Variants in HYDIN observed in about 807,000 individuals in gnomAD.
HYDIN encodes axonemal central pair apparatus protein HYDIN.
Under a neutral mutation model 403.9 loss-of-function variants are expected in HYDIN, and 132 were observed. The ratio of observed to expected loss-of-function variants is 0.33; its 90% CI spans 0.28 to 0.38. The LOEUF (loss-of-function observed/expected upper bound fraction) is 0.38, where lower values mean the gene tolerates loss of function less well. Among genes scored for constraint, HYDIN ranks in the 10% least tolerant of loss-of-function variants. The probability of loss-of-function intolerance (pLI) is 1.00; values close to 1 mark genes in which losing one functional copy is unlikely to be tolerated. For synonymous variants in HYDIN, 1,202 were observed against 1,891.7 expected, an observed-to-expected ratio of 0.64 and a Z score of 9.46; for missense variants, 2,827 against 5,009.5, an observed-to-expected ratio of 0.56 and a Z score of 13.15.
At position 70,859,458 on chromosome 16, in the gene HYDIN, T is replaced by C. The variant is rs1455007949; in HGVS notation, c.12129+610A>G. On this transcript the variant is annotated intron_variant, in intron 71 of 85. Transcript: ENST00000393567. ...CCTGTATTACCCACAAATGTCTCCT[T>C]GGCCCACTCTATTCACTTGTGTGAC... Among the ~76,000 whole-genome samples the C allele has an allele frequency of 1.4e-4, 21 of 152,210 alleles. No homozygotes were observed. The East Asian group carries it at 4.0e-3, about 29-fold the overall frequency.
chr16:71,201,557 C>A (rs987223904), intron 1 of HYDIN, among the ~76,000 whole-genome samples: 3 of 152,126 alleles, frequency 2.0e-5, no homozygotes, highest in African/African-American at 7.2e-5. Flanking sequence ...AAGCCAAGCC[C>A]ACCAAAGCCA....
At chr16:71,197,043 C>G (rs7342812) in intron 1 of HYDIN, among the ~76,000 whole-genome samples, 6,019 of 152,148 alleles carry the variant, frequency 0.04, 437 homozygotes, top group African/African-American at 0.14. Flanking sequence ...TGGACTTGAC[C>G]TGAATTCTTT....
At chr16:71,188,549 C>T (rs372361043) in intron 1 of HYDIN, among the ~76,000 whole-genome samples, 24 of 152,184 alleles carry the variant, frequency 1.6e-4, no homozygotes, top group African/African-American at 5.5e-4. Context: ...GTGTGAAACA[C>T]CATAATTCAA....
At chr16:70,999,150 C>G (rs2079622637) in intron 23 of HYDIN, among the ~76,000 whole-genome samples, 1 of 151,976 alleles carries the variant, frequency 6.6e-6, no homozygotes, top group Admixed American at 6.6e-5. Context: ...ATTGGAGCCT[C>G]TAGAACAGTG....
At chr16:70,962,932 G>C (rs939848514) in intron 37 of HYDIN, among the ~76,000 whole-genome samples, 1 of 150,576 alleles carries the variant, frequency 6.6e-6, no homozygotes, top group Admixed American at 6.6e-5. Flanking sequence ...TGAGAAGCAG[G>C]GCGTGTGCCT....
intron 10 of HYDIN, among the ~76,000 whole-genome samples, chr16:71,106,193 C>A (rs1287226477): frequency 6.6e-6 from 1 of 151,288 alleles, no homozygotes; most frequent in Non-Finnish European, 1.5e-5. Flanking sequence ...CTCTCTCAAT[C>A]TCCATAGCAG....
intron 1 of HYDIN, among the ~76,000 whole-genome samples, chr16:71,214,763 G>A (rs1334012462): frequency 6.6e-6 from 1 of 152,174 alleles, no homozygotes; most frequent in Admixed American, 6.5e-5. Flanking sequence ...GGGTCCCAGT[G>A]GGACAAAACC....
Position 70,860,892 on chromosome 16 carries a change from G to A in HYDIN, c.11787C>T (p.Asn3929=), listed in dbSNP as rs1405923557. ...CCGGACCTTGCTCTCCAGGTGGCAG[G>A]TTGGGAATCCTGAGAGGATAAGGTT... ...FESNLFCQIP[N]LPPGEQGPVL... Residue 3929 remains asparagine, a synonymous_variant, in exon 70 of 86, where the codon AAC becomes AAT. Coordinates refer to ENST00000393567, the MANE Select transcript of HYDIN (RefSeq NM_001270974.2). 1 of 619,980 alleles carries A rather than the reference G, an allele frequency of 1.6e-6. No homozygotes were observed. The highest frequency in any genetic ancestry group is 1.9e-5 in the African/African-American group (1 of 51,428). 38.4% of individuals were successfully genotyped at this position (619,980 alleles called of 1,614,324 possible). A position where few individuals can be genotyped will look rare whatever the true frequency, so the allele number is the denominator to read the frequency against.
At chr16:71,060,276 T>A (rs2082036704) in intron 18 of HYDIN, among the ~76,000 whole-genome samples, 1 of 152,200 alleles carries the variant, frequency 6.6e-6, no homozygotes, top group African/African-American at 2.4e-5. Context: ...ATAATAGACA[T>A]CCCTTGAGCT....
At chr16:71,187,869 A>G (rs1035813829) in intron 1 of HYDIN, among the ~76,000 whole-genome samples, 4 of 152,192 alleles carry the variant, frequency 2.6e-5, no homozygotes, top group South Asian at 2.1e-4. Context: ...ATGGCAATCA[A>G]TGAAACAGAA....
rs1303324262 is a variant in HYDIN, at chr16:71,069,307, T to A, written c.1934A>T (p.Asp645Val). The A allele has an allele frequency of 2.0e-5, 32 of 1,613,568 alleles. No individual in the cohort carries two copies. Among genetic ancestry groups the A allele is most frequent in the African/African-American group, 2.7e-5 (2 of 74,622 alleles). ...MKPKEFTISP[D>V]CGTIRPQGFA... ...TCCCTGGGGGCGAATGGTGCCACAG[T>A]CAGGAGAGATGGTGAATTCTTTTGG... Residue 645 changes from aspartate (D) to valine (V), a missense_variant, in exon 14 of 86, where the codon GAC (aspartate) becomes GTC (valine). Transcript: ENST00000393567.
chr16:71,165,202 G>A (rs556248012), intron 5 of HYDIN, among the ~76,000 whole-genome samples: 10 of 151,272 alleles, frequency 6.6e-5, no homozygotes, highest in Non-Finnish European at 1.0e-4. Context: ...CGAAGGTCCC[G>A]TGGTCTGGTG....
intron 73 of HYDIN, among the ~76,000 whole-genome samples, chr16:70,853,833 T>G (rs1355864467): frequency 2.0e-5 from 3 of 148,706 alleles, no homozygotes; most frequent in Non-Finnish European, 4.4e-5. Flanking sequence ...ATGTCACCCT[T>G]GGGAGAAATT....
chr16:70,965,426 C>T (rs1413273294), intron 36 of HYDIN, among the ~76,000 whole-genome samples: 2 of 151,158 alleles, frequency 1.3e-5, no homozygotes, highest in South Asian at 2.1e-4. Context: ...ATTTGAGTTT[C>T]AGATAAACAA....
chr16:70,898,254 C>A (rs1341376159), intron 53 of HYDIN, among the ~76,000 whole-genome samples: 1 of 151,796 alleles, frequency 6.6e-6, no homozygotes, highest in Non-Finnish European at 1.5e-5. Flanking sequence ...TCTCCAATAT[C>A]CCCTTGCTGC....
At position 70,857,861 on chromosome 16, in the gene HYDIN, G is replaced by A; in HGVS notation, c.12139C>T (p.Gln4047Ter). 6.2e-7 allele frequency: 1 copy of A among 1,613,338 alleles called. No homozygotes were observed. Among genetic ancestry groups the A allele is most frequent in the Non-Finnish European group, 8.5e-7 (1 of 1,179,794 alleles). The change falls in exon 72 of 86, where the codon CAG becomes TAG. Residue 4047 changes from glutamine to a stop codon, truncating the protein, a stop_gained. Transcript: ENST00000393567. LOFTEE classifies it high-confidence loss of function. ...ATGCCCAGATGGAAAGGTGTGAACTGGAACACGATCTAACAAGACAATTTG... is the reference window on the plus strand; with the variant it reads ...ATGCCCAGATGGAAAGGTGTGAACTAGAACACGATCTAACAAGACAATTTG... Reference protein sequence around the residue: ...HPEKKAEIVFQFTPFHLGITE... With the variant: ...HPEKKAEIVF
chr16:70,891,057 A>G (rs1253226911), intron 57 of HYDIN, among the ~76,000 whole-genome samples: 1 of 151,966 alleles, frequency 6.6e-6, no homozygotes, highest in Non-Finnish European at 1.5e-5. Flanking sequence ...AATTCCAGGC[A>G]GAAGACTGTG....
chr16:70,855,587 G>C (rs1429096903), intron 72 of HYDIN, among the ~76,000 whole-genome samples: 2 of 152,128 alleles, frequency 1.3e-5, no homozygotes, highest in Non-Finnish European at 2.9e-5. Flanking sequence ...TCCTGAATTT[G>C]TTAATGGGGG....
At position 70,879,339 on chromosome 16, in the gene HYDIN, C is replaced by G; in HGVS notation, c.10515G>C (p.Lys3505Asn). 1.3e-6 allele frequency: 2 copies of G among 1,501,972 alleles called. No homozygotes were observed. Among genetic ancestry groups the G allele is most frequent in the Non-Finnish European group, 1.8e-6 (2 of 1,091,784 alleles). 93.0% of individuals were successfully genotyped at this position (1,501,972 alleles called of 1,614,324 possible). A position where few individuals can be genotyped will look rare whatever the true frequency, so the allele number is the denominator to read the frequency against. ...CATTGTTCTTGAGGATGAGAGGCAG[C>G]TTCTCTGAATGACCAAGGAGAAGCC... ...FKRLLLGHSE[K>N]LPLILKNNGV... is the part of the protein sequence containing the mutation. The change falls in exon 62 of 86, where the codon AAG (lysine) becomes AAC (asparagine). Residue 3505 changes from lysine to asparagine, a missense_variant. By Grantham distance (94) the Lys-to-Asn change is moderately conservative (BLOSUM62 0). Coordinates refer to ENST00000393567, the MANE Select transcript of HYDIN (RefSeq NM_001270974.2).
Sources: gnomAD v4.1 joint callset for allele counts (sites outside exome capture counted in the v4.1 genomes callset) on GRCh38, gnomAD v4.1.1 for gene constraint, MANE v1.5 for transcripts, NCBI Gene and HGNC (gene_info 2026-07-23, HGNC 2026-07-21) for gene names.